SAMD12: variants seen among roughly 807,000 people sequenced by gnomAD.
SAMD12 encodes sterile alpha motif domain-containing protein 12.
In SAMD12, 9 loss-of-function variants were observed where a neutral mutation model predicts 15.0. The ratio of observed to expected loss-of-function variants is 0.60; its 90% CI spans 0.36 to 1.05. SAMD12 has a LOEUF of 1.05. Among genes scored for constraint, SAMD12 ranks in the 50% least tolerant of loss-of-function variants. SAMD12 has a pLI of 0.01. For synonymous variants in SAMD12, 86 were observed against 90.1 expected (o/e 0.96, Z 0.25); for missense variants, 230 against 234.2 (o/e 0.98, Z 0.12).
At chr8:118,236,925 G>A (rs1364673508) in intron 4 of SAMD12, among the ~76,000 whole-genome samples, 1 of 152,098 alleles carries the variant, frequency 6.6e-6, no homozygotes, top group East Asian at 1.9e-4. Context: ...GAAGACCAAA[G>A]GGCAGAAGGG....
intron 4 of SAMD12, among the ~76,000 whole-genome samples, chr8:118,252,421 G>A (rs1483313956): frequency 6.6e-6 from 1 of 152,134 alleles, no homozygotes; most frequent in Non-Finnish European, 1.5e-5. Context: ...CTTGTCCGAG[G>A]TCCCACAGCT....
chr8:118,345,598 T>C (rs942319506), intron 4 of SAMD12, among the ~76,000 whole-genome samples: 2 of 152,228 alleles, frequency 1.3e-5, no homozygotes, highest in Non-Finnish European at 2.9e-5. Flanking sequence ...TGATGCAGCA[T>C]AAGCGTGGGG....
At chr8:118,421,226 C>T (rs1821983043) in intron 3 of SAMD12, among the ~76,000 whole-genome samples, 1 of 152,164 alleles carries the variant, frequency 6.6e-6, no homozygotes, top group Admixed American at 6.5e-5. Flanking sequence ...GTGCTAAACA[C>T]TGTGTTTGGC....
chr8:118,517,931 A>G (rs1002623075), intron 2 of SAMD12, among the ~76,000 whole-genome samples: 1 of 152,166 alleles, frequency 6.6e-6, no homozygotes, highest in African/African-American at 2.4e-5. Context: ...GACCTTGAAC[A>G]ATGTCATTCA....
intron 2 of SAMD12, among the ~76,000 whole-genome samples, chr8:118,453,279 C>T (rs552501510): frequency 1.2e-4 from 19 of 152,136 alleles, no homozygotes; most frequent in South Asian, 8.3e-4. Flanking sequence ...CAATAAGTAG[C>T]ATTTAGCTTA....
the SAMD12 span, among the ~76,000 whole-genome samples, chr8:118,133,775 G>A: frequency 6.6e-6 from 1 of 151,432 alleles, no homozygotes; most frequent in African/African-American, 2.4e-5. Flanking sequence ...CAGAAGTTTT[G>A]TTGCTGATAA....
intron 4 of SAMD12, among the ~76,000 whole-genome samples, chr8:118,316,369 C>CAAAAA (rs71307444): frequency 8.8e-6 from 1 of 114,148 alleles, no homozygotes; most frequent in African/African-American, 3.8e-5. Context: ...CCCATGTCTA[C>CAAAAA]AAAAAAAAAA....
At chr8:118,337,274 G>C (rs1358076369) in intron 4 of SAMD12, among the ~76,000 whole-genome samples, 1 of 152,110 alleles carries the variant, frequency 6.6e-6, no homozygotes, top group Non-Finnish European at 1.5e-5. Flanking sequence ...TTGCTGGCTT[G>C]GAACCAGTAA....
intron 4 of SAMD12, among the ~76,000 whole-genome samples, chr8:118,200,132 C>T (rs1819671849): frequency 6.6e-6 from 1 of 152,134 alleles, no homozygotes; most frequent in South Asian, 2.1e-4. Flanking sequence ...CTTTCACCTT[C>T]TGCTATGATT....
chr8:118,176,055 G>A, the SAMD12 span, among the ~76,000 whole-genome samples: 6 of 152,110 alleles, frequency 3.9e-5, no homozygotes, highest in African/African-American at 7.2e-5. Flanking sequence ...CAATCCCAGC[G>A]CTTTGGGAGG....
chr8:118,488,939 A>G (rs75454421), intron 2 of SAMD12, among the ~76,000 whole-genome samples: 4,993 of 152,316 alleles, frequency 0.033, 129 homozygotes, highest in South Asian at 0.097. Flanking sequence ...ATCTTGTCAA[A>G]CAGTTTTCTG....
At chr8:118,169,890 A>G in the SAMD12 span, among the ~76,000 whole-genome samples, 1 of 152,164 alleles carries the variant, frequency 6.6e-6, no homozygotes, top group Non-Finnish European at 1.5e-5. Context: ...AAGTGTGTTC[A>G]TATGAACTCT....
At chr8:118,320,157 G>A (rs571499942) in intron 4 of SAMD12, among the ~76,000 whole-genome samples, 1 of 152,260 alleles carries the variant, frequency 6.6e-6, no homozygotes, top group East Asian at 1.9e-4. Context: ...GTCATGGAAA[G>A]GAAATATTCA....
At chr8:118,616,736 G>A (rs1160759154) in intron 1 of SAMD12, among the ~76,000 whole-genome samples, 1 of 152,182 alleles carries the variant, frequency 6.6e-6, no homozygotes. Context: ...CAACCCCTGG[G>A]TTGTGAACTG....
chr8:118,512,002 T>G (rs1424493508), intron 2 of SAMD12, among the ~76,000 whole-genome samples: 1 of 152,136 alleles, frequency 6.6e-6, no homozygotes, highest in Non-Finnish European at 1.5e-5. Context: ...CAATCAGTAG[T>G]TAGACTTTTC....
At chr8:118,384,649 T>A (rs1338885815) in intron 3 of SAMD12, among the ~76,000 whole-genome samples, 2 of 152,158 alleles carry the variant, frequency 1.3e-5, no homozygotes, top group Admixed American at 1.3e-4. Context: ...AGAGGATGCA[T>A]TGGAAGGAGG....
downstream of SAMD12, among the ~76,000 whole-genome samples, chr8:118,188,122 A>G (rs536103753): frequency 2.0e-4 from 30 of 152,058 alleles, no homozygotes; most frequent in South Asian, 5.8e-3. Context: ...AGATAGAGGA[A>G]GAGAAAGGCA....
rs1483885111 is a variant in SAMD12 at position 118,318,327 on chromosome 8, T to TATATATATATAC, written c.433+61232_433+61233insGTATATATATAT. Among the ~76,000 whole-genome samples the TATATATATATAC allele has an allele frequency of 1.1e-3, 38 of 35,080 alleles. 1 individual carries two copies. The highest frequency in any genetic ancestry group is 3.1e-3 in the Non-Finnish European group (33 of 10,720). The allele number at this position is 35,080 out of a possible 152,430, so 23.0% of individuals were successfully genotyped here. On this transcript the variant is annotated intron_variant, in intron 4 of 4. Coordinates refer to the SAMD12 transcript ENST00000409003. ...ATATATGTGTATATATATATATATATATATATATATATATATATATATATA... is the reference window on the plus strand; with the variant it reads ...ATATATGTGTATATATATATATATATATATATATATACATATATATATATATATATATATATA...
At chr8:118,483,244 C>T (rs1824177992) in intron 2 of SAMD12, among the ~76,000 whole-genome samples, 1 of 152,222 alleles carries the variant, frequency 6.6e-6, no homozygotes, top group African/African-American at 2.4e-5. Context: ...GAGGTTAAAA[C>T]ACAAACCATC....
Sources: gnomAD v4.1 joint callset for allele counts (sites outside exome capture counted in the v4.1 genomes callset) on GRCh38, gnomAD v4.1.1 for gene constraint, MANE v1.5 for transcripts, NCBI Gene and HGNC (gene_info 2026-07-23, HGNC 2026-07-21) for gene names.